HEMK2: variants seen among roughly 807,000 people sequenced by gnomAD.
The protein encoded by HEMK2 is HemK methyltransferase 2, ETF1 glutamine and histone H4 lysine.
the HEMK2 span, among the ~76,000 whole-genome samples, chr21:28,830,876 TTAA>T: frequency 1.8e-3 from 64 of 35,300 alleles, 4 homozygotes; most frequent in Middle Eastern, 0.012. Flanking sequence ...GACTCCATCT[TTAA>T]AAAAAAAAAA....
At chr21:28,731,759 TAAA>T in the HEMK2 span, among the ~76,000 whole-genome samples, 70,626 of 141,132 alleles carry the variant, frequency 0.5, 18,960 homozygotes, top group East Asian at 0.78. Context: ...AGTATAATAA[TAAA>T]AAAAAAAAAA....
At chr21:28,691,450 G>A in the HEMK2 span, among the ~76,000 whole-genome samples, 22 of 152,278 alleles carry the variant, frequency 1.4e-4, no homozygotes, top group African/African-American at 5.1e-4. Context: ...TTTGGCCAGT[G>A]AGTTGGCCTC....
the HEMK2 span, among the ~76,000 whole-genome samples, chr21:28,801,313 C>T: frequency 6.6e-6 from 1 of 152,146 alleles, no homozygotes; most frequent in Non-Finnish European, 1.5e-5. Flanking sequence ...GGATTCATAC[C>T]TCACATTTTA....
chr21:28,813,370 A>C, the HEMK2 span, among the ~76,000 whole-genome samples: 13,438 of 152,232 alleles, frequency 0.088, 814 homozygotes, highest in South Asian at 0.17. Flanking sequence ...AAAGAGAATA[A>C]AATACCTAGG....
At chr21:28,633,894 C>T in the HEMK2 span, among the ~76,000 whole-genome samples, 2 of 152,142 alleles carry the variant, frequency 1.3e-5, no homozygotes, top group Non-Finnish European at 2.9e-5. Flanking sequence ...AACGTTAGGG[C>T]GGTAACAGGA....
chr21:28,714,984 T>C, the HEMK2 span, among the ~76,000 whole-genome samples: 5 of 152,228 alleles, frequency 3.3e-5, no homozygotes, highest in African/African-American at 1.2e-4. Context: ...TTCTTTTTTA[T>C]AGCTTTGTAA....
the HEMK2 span, among the ~76,000 whole-genome samples, chr21:28,859,449 C>T: frequency 6.6e-6 from 1 of 152,178 alleles, no homozygotes; most frequent in South Asian, 2.1e-4. Flanking sequence ...CCATCCTTAT[C>T]TTAAATGTAT....
the HEMK2 span, among the ~76,000 whole-genome samples, chr21:28,644,181 A>G: frequency 6.6e-6 from 1 of 152,198 alleles, no homozygotes; most frequent in Non-Finnish European, 1.5e-5. Flanking sequence ...ACTTACAATC[A>G]TGGTGGAAGG....
At chr21:28,698,016 A>G in the HEMK2 span, among the ~76,000 whole-genome samples, 1 of 152,156 alleles carries the variant, frequency 6.6e-6, no homozygotes, top group East Asian at 1.9e-4. Flanking sequence ...CTCACATGGA[A>G]GAGGTGAACA....
At chr21:28,729,864 C>T in the HEMK2 span, among the ~76,000 whole-genome samples, 1 of 152,208 alleles carries the variant, frequency 6.6e-6, no homozygotes, top group Non-Finnish European at 1.5e-5. Context: ...CACTCCCTTG[C>T]CCAGTTTTTC....
the HEMK2 span, among the ~76,000 whole-genome samples, chr21:28,746,301 A>G: frequency 6.6e-6 from 1 of 152,302 alleles, no homozygotes; most frequent in Non-Finnish European, 1.5e-5. Context: ...TCTCAATAAC[A>G]ACATGAGGTA....
chr21:28,877,548 TAAA>T, the HEMK2 span, among the ~76,000 whole-genome samples: 1 of 97,110 alleles, frequency 1.0e-5, no homozygotes, highest in Non-Finnish European at 2.1e-5. Flanking sequence ...GAGAGAGAGA[TAAA>T]GAAAAAGAAA....
the HEMK2 span, among the ~76,000 whole-genome samples, chr21:28,838,972 A>AAAAAAAAATATAT: frequency 1.7e-4 from 5 of 29,160 alleles, no homozygotes; most frequent in African/African-American, 5.8e-4. Flanking sequence ...AAAAAAAAAA[A>AAAAAAAAATATAT]ATATATATAT....
the HEMK2 span, among the ~76,000 whole-genome samples, chr21:28,788,471 C>G: frequency 6.6e-6 from 1 of 151,772 alleles, no homozygotes; most frequent in Non-Finnish European, 1.5e-5. Context: ...GGAAGCTAAG[C>G]TATGAGTACA....
chr21:28,596,569 GAGA>G, the HEMK2 span, among the ~76,000 whole-genome samples: 1 of 152,162 alleles, frequency 6.6e-6, no homozygotes, highest in African/African-American at 2.4e-5. Flanking sequence ...TACCAAGTCA[GAGA>G]AGGTTTAATT....
At chr21:28,672,789 GT>G in the HEMK2 span, among the ~76,000 whole-genome samples, 15 of 152,122 alleles carry the variant, frequency 9.9e-5, no homozygotes, top group Admixed American at 9.8e-4. Context: ...TTCTTGACTT[GT>G]TTTAATTTAA....
At chr21:28,848,706 TATAAC>T in the HEMK2 span, among the ~76,000 whole-genome samples, 6 of 152,240 alleles carry the variant, frequency 3.9e-5, no homozygotes, top group African/African-American at 1.4e-4. Flanking sequence ...AATGTGTTGT[TATAAC>T]AGATTATGTT....
At chr21:28,843,188 T>C in the HEMK2 span, among the ~76,000 whole-genome samples, 1 of 152,132 alleles carries the variant, frequency 6.6e-6, no homozygotes, top group Non-Finnish European at 1.5e-5. Context: ...CAGCCCTGTA[T>C]TAGTCCATTT....
At chr21:28,810,939 A>G in the HEMK2 span, among the ~76,000 whole-genome samples, 1 of 152,194 alleles carries the variant, frequency 6.6e-6, no homozygotes, top group Non-Finnish European at 1.5e-5. Flanking sequence ...GCATTATTGC[A>G]GGTTCAAAGA....
Sources: gnomAD v4.1 joint callset for allele counts (sites outside exome capture counted in the v4.1 genomes callset) on GRCh38, gnomAD v4.1.1 for gene constraint, MANE v1.5 for transcripts, NCBI Gene and HGNC (gene_info 2026-07-23, HGNC 2026-07-21) for gene names.